USP25: variants seen among roughly 807,000 people sequenced by gnomAD.
The protein encoded by USP25 is ubiquitin specific peptidase 25.
In USP25, 85 loss-of-function variants were observed where a neutral mutation model predicts 158.5. That is an observed-to-expected ratio of 0.54 (90% CI 0.45 to 0.64). The LOEUF (loss-of-function observed/expected upper bound fraction) is 0.64, where lower values mean the gene tolerates loss of function less well. Ranked by LOEUF, USP25 falls within the 30% of genes least tolerant of loss-of-function variation. USP25 has a pLI of 0.00. For synonymous variants in USP25, 464 were observed against 460.4 expected, an observed-to-expected ratio of 1.01 and a Z score of -0.10; for missense variants, 1,242 against 1,327.3, an observed-to-expected ratio of 0.94 and a Z score of 1.00.
At chr21:15,867,361 G>T (rs1209069764) in intron 22 of USP25, among the ~76,000 whole-genome samples, 1 of 151,874 alleles carries the variant, frequency 6.6e-6, no homozygotes, top group African/African-American at 2.4e-5. Flanking sequence ...ACAGGGAAGA[G>T]GAAAGAGAGA....
At chr21:15,870,301 C>G (rs1477504505) in intron 23 of USP25, among the ~76,000 whole-genome samples, 154 bp downstream of exon 23, 1 of 152,126 alleles carries the variant, frequency 6.6e-6, no homozygotes, top group Non-Finnish European at 1.5e-5. Context: ...AAAAATTACA[C>G]AGTTGATATA....
chr21:15,846,269 T>A (rs927561713), intron 18 of USP25, among the ~76,000 whole-genome samples: 3 of 146,414 alleles, frequency 2.0e-5, no homozygotes, highest in Non-Finnish European at 4.5e-5. Context: ...TTCAAGCAAT[T>A]CTCATGCCTC....
At chr21:15,748,450 T>C (rs929640736) in intron 1 of USP25, among the ~76,000 whole-genome samples, 1 of 149,130 alleles carries the variant, frequency 6.7e-6, no homozygotes, top group Non-Finnish European at 1.5e-5. Flanking sequence ...CCAGCTACTT[T>C]TTAGTTTTTT....
At chr21:15,769,808 A>C (rs1259523255) in intron 3 of USP25, among the ~76,000 whole-genome samples, 1 of 152,164 alleles carries the variant, frequency 6.6e-6, no homozygotes, top group Admixed American at 6.5e-5. Context: ...TCTCCAGAAC[A>C]AGATGTGCTA....
At chr21:15,841,955 G>T (rs932572001) in intron 17 of USP25, among the ~76,000 whole-genome samples, 1 of 152,150 alleles carries the variant, frequency 6.6e-6, no homozygotes, top group South Asian at 2.1e-4. Context: ...AGAAAAGATG[G>T]AAGGTTAGGT....
At chr21:15,751,167 G>T (rs949760016) in intron 1 of USP25, among the ~76,000 whole-genome samples, 1 of 152,116 alleles carries the variant, frequency 6.6e-6, no homozygotes, top group Non-Finnish European at 1.5e-5. Context: ...GAGAGATTGG[G>T]TTCTTGTTGG....
intron 3 of USP25, among the ~76,000 whole-genome samples, chr21:15,767,659 G>A (rs923391022): frequency 2.0e-5 from 3 of 151,916 alleles, no homozygotes; most frequent in Non-Finnish European, 4.4e-5. Flanking sequence ...AAGACTCGAG[G>A]GGAAAAAGAA....
Position 15,799,534 on chromosome 21 carries a change from G to A in USP25, c.556-223G>A, listed in dbSNP as rs565123784. ...TAATAATGAGTAGTATATTTAAAAAGTTGTCCAAATATAATCTTGTGCACT... is the reference window on the plus strand; with the variant it reads ...TAATAATGAGTAGTATATTTAAAAAATTGTCCAAATATAATCTTGTGCACT... On this transcript the variant is annotated intron_variant, in intron 5 of 25. Transcript: ENST00000400183. 3 of 343,744 alleles carry A rather than the reference G, an allele frequency of 8.7e-6. No individual in the cohort carries two copies. The East Asian group carries it at 1.3e-4, about 15-fold the overall frequency. 21.3% of individuals were successfully genotyped at this position (343,744 alleles called of 1,614,324 possible).
At position 15,878,565 on chromosome 21, in the gene USP25, A is replaced by G. The variant is rs563521746; in HGVS notation, c.*90A>G. ...CACAGGGTTTGCTTGTTGCTGCTAT[A>G]GTTTTTAACTTTTTTTTATTTTAAT... On this transcript the variant is annotated 3_prime_UTR_variant, in exon 26 of 26. Coordinates refer to ENST00000400183, the MANE Select transcript of USP25 (RefSeq NM_001283041.3). 4 of 1,390,328 alleles carry G rather than the reference A, an allele frequency of 2.9e-6. No individual in the cohort carries two copies. In the Admixed American group the frequency reaches 8.1e-5, roughly 28 times the overall value. 86.1% of individuals were successfully genotyped at this position (1,390,328 alleles called of 1,614,324 possible).
At chr21:15,764,055 A>G (rs2033892370) in intron 2 of USP25, among the ~76,000 whole-genome samples, 2 of 152,214 alleles carry the variant, frequency 1.3e-5, no homozygotes, top group South Asian at 4.1e-4. Flanking sequence ...TTATTCCCCC[A>G]TCAGGAAAAT....
chr21:15,840,822 C>G (rs2038298721), intron 17 of USP25, among the ~76,000 whole-genome samples: 1 of 152,112 alleles, frequency 6.6e-6, no homozygotes, highest in African/African-American at 2.4e-5. Context: ...AGTTCACATC[C>G]AATTATTAAC....
intron 10 of USP25, among the ~76,000 whole-genome samples, chr21:15,820,022 A>T (rs1166184317): frequency 6.6e-6 from 1 of 152,072 alleles, no homozygotes; most frequent in Non-Finnish European, 1.5e-5. Context: ...TACGATAGGG[A>T]TGTGGTATAT....
chr21:15,833,557 A>C lies in USP25; in HGVS notation c.2194+9A>C. Reference sequence around the variant, plus strand: ...GACTTCTGTGACAACAGGTTTGTCCATTTTTATTAAGTTGTGTTTGATTAT... The same window carrying C: ...GACTTCTGTGACAACAGGTTTGTCCCTTTTTATTAAGTTGTGTTTGATTAT... On this transcript the variant is annotated intron_variant, in intron 17 of 25. Transcript: ENST00000400183. 1 of 1,606,816 alleles carries C rather than the reference A, an allele frequency of 6.2e-7. No individual in the cohort carries two copies. Among genetic ancestry groups the C allele is most frequent in the Non-Finnish European group, 8.5e-7 (1 of 1,176,594 alleles).
intron 3 of USP25, among the ~76,000 whole-genome samples, chr21:15,776,305 T>G (rs1031023369): frequency 6.6e-6 from 1 of 152,120 alleles, no homozygotes; most frequent in African/African-American, 2.4e-5. Context: ...CTTAATACAC[T>G]TTTGTGAGGT....
At chr21:15,804,111 G>T (rs1230922384) in intron 6 of USP25, among the ~76,000 whole-genome samples, 1 of 151,918 alleles carries the variant, frequency 6.6e-6, no homozygotes, top group African/African-American at 2.4e-5. Flanking sequence ...TGTGAATTAT[G>T]TTATTTTTTA....
At chr21:15,771,169 G>C (rs900191064) in intron 3 of USP25, among the ~76,000 whole-genome samples, 6 of 152,164 alleles carry the variant, frequency 3.9e-5, no homozygotes, top group Non-Finnish European at 5.9e-5. Context: ...AGGAAAGACA[G>C]TACACAGTAA....
At chr21:15,824,652 T>A (rs1288364059) in intron 11 of USP25, among the ~76,000 whole-genome samples, 1 of 152,240 alleles carries the variant, frequency 6.6e-6, no homozygotes, top group Non-Finnish European at 1.5e-5. Context: ...AGTCTTGCTC[T>A]GTCGCCCAGG....
chr21:15,783,740 G>A (rs1354030722), intron 4 of USP25, among the ~76,000 whole-genome samples: 1 of 151,422 alleles, frequency 6.6e-6, no homozygotes, highest in Non-Finnish European at 1.5e-5. Flanking sequence ...GGCAGATCAC[G>A]AGGTCAGGAG....
At chr21:15,836,891 T>G (rs1221334673) in intron 17 of USP25, among the ~76,000 whole-genome samples, 1 of 146,462 alleles carries the variant, frequency 6.8e-6, no homozygotes, top group Admixed American at 6.8e-5. Context: ...TTGTTGAGAT[T>G]TTCAGCCAGC....
Sources: allele counts gnomAD v4.1 joint callset (sites outside exome capture counted in the v4.1 genomes callset), GRCh38; gene constraint gnomAD v4.1.1; transcripts MANE v1.5; gene names NCBI Gene and HGNC (gene_info 2026-07-23, HGNC 2026-07-21).